CCDC88A: variants seen among roughly 807,000 people sequenced by gnomAD.
The protein encoded by CCDC88A is girdin.
In CCDC88A, 54 loss-of-function variants were observed where a neutral mutation model predicts 234.3. The observed-to-expected ratio is 0.23, with a 90% CI of 0.19 to 0.29. The LOEUF (loss-of-function observed/expected upper bound fraction) is 0.29. Among genes scored for constraint, CCDC88A ranks in the 10% least tolerant of loss-of-function variants. CCDC88A has a pLI of 1.00. For missense variants in CCDC88A, 1,832 were observed against 2,123.4 expected, an observed-to-expected ratio of 0.86 and a Z score of 2.70; for synonymous variants, 753 against 737.8, an observed-to-expected ratio of 1.02 and a Z score of -0.33.
rs1398539083 is a variant in CCDC88A, at chr2:55,290,200, A to G, written c.*1000T>C. The G allele has an allele frequency of 1.3e-5, 2 of 152,570 alleles. No individual in the cohort carries two copies. The highest frequency in any genetic ancestry group is 4.8e-5 in the African/African-American group (2 of 41,448). 9.5% of individuals were successfully genotyped at this position (152,570 alleles called of 1,614,324 possible). A position where few individuals can be genotyped will look rare whatever the true frequency, so the allele number is the denominator to read the frequency against. ...AATAACAGTTATCAACTTTAATGTAATATCATAAAGGAGAAAAAAATCATT... is the reference window on the plus strand; with the variant it reads ...AATAACAGTTATCAACTTTAATGTAGTATCATAAAGGAGAAAAAAATCATT... On this transcript the variant is annotated 3_prime_UTR_variant, in exon 33 of 33. Coordinates refer to ENST00000436346, the MANE Select transcript of CCDC88A (RefSeq NM_001365480.1).
At chr2:55,366,534 T>TACACACACACACACACACACAC (rs201666406) in intron 5 of CCDC88A, among the ~76,000 whole-genome samples, 1 of 127,638 alleles carries the variant, frequency 7.8e-6, no homozygotes, top group Non-Finnish European at 1.7e-5. Flanking sequence ...CACACACACA[T>TACACACACACACACACACACAC]ACACACACAC....
chr2:55,317,870 T>G lies in CCDC88A; in HGVS notation c.3325-29A>C. 7.0e-7 allele frequency: 1 copy of G among 1,429,546 alleles called. No individual in the cohort carries two copies. The highest frequency in any genetic ancestry group is 9.5e-7 in the Non-Finnish European group (1 of 1,051,774). The allele number at this position is 1,429,546 out of a possible 1,614,324, so 88.6% of individuals were successfully genotyped here. ...TAAGAATATATATTGTTATCAGACA[T>G]AAGAAAAACAGTTCATGTTCTTTTT... On this transcript the variant is annotated intron_variant, in intron 19 of 32. Transcript: ENST00000436346. This position sits in a 1 kb window ranked among gnomAD's most constrained non-coding sequence, Gnocchi z 4.2.
chr2:55,298,904 CA>C (rs1416439441), intron 29 of CCDC88A, among the ~76,000 whole-genome samples: 1 of 138,746 alleles, frequency 7.2e-6, no homozygotes, highest in African/African-American at 2.7e-5. Flanking sequence ...CACAAAAAAA[CA>C]AAAAACCCTC....
chr2:55,328,863 C>G lies in CCDC88A; in HGVS notation c.2856-428G>C. 1 of 154,034 alleles carries G rather than the reference C, an allele frequency of 6.5e-6. No homozygotes were observed. The highest frequency in any genetic ancestry group is 1.4e-5 in the Non-Finnish European group (1 of 69,412). 9.5% of individuals were successfully genotyped at this position (154,034 alleles called of 1,614,324 possible). On this transcript the variant is annotated intron_variant, in intron 16 of 32. Coordinates refer to ENST00000436346, the MANE Select transcript of CCDC88A (RefSeq NM_001365480.1). The surrounding 1 kb of genome is among the most constrained non-coding windows in gnomAD (Gnocchi z 4.3). ...TCGGCTCACCGCAACCTCCGCTTCC[C>G]GTGTTCAAGCGATTCTCCTGCCTCA...
chr2:55,339,726 TGA>T (rs1331594156), intron 12 of CCDC88A, 78 bp from the exon 13 acceptor site: 6 of 1,157,584 alleles, frequency 5.2e-6, no homozygotes, highest in Non-Finnish European at 7.3e-6. Context: ...TTTAAAAAGT[TGA>T]GTGTATATGC....
At chr2:55,297,274 T>C (rs1444822015) in intron 29 of CCDC88A, 1 of 30,094 alleles carries the variant, frequency 3.3e-5, no homozygotes, top group Admixed American at 9.2e-4. Context: ...TTTTTATATA[T>C]ATTATATATA....
chr2:55,294,769 CA>C, intron 31 of CCDC88A: 1 of 1,003,162 alleles, frequency 1.0e-6, no homozygotes, highest in Admixed American at 5.5e-5. Flanking sequence ...TTCTGGATAT[CA>C]AAGTAACAAT....
intron 17 of CCDC88A, among the ~76,000 whole-genome samples, chr2:55,326,173 T>C (rs941929590): frequency 1.3e-5 from 2 of 151,240 alleles, no homozygotes; most frequent in African/African-American, 4.9e-5. Context: ...GTTTCTTCTT[T>C]TTTTTTTTGC....
At chr2:55,298,565 A>G (rs1680475491) in intron 29 of CCDC88A, among the ~76,000 whole-genome samples, 1 of 152,218 alleles carries the variant, frequency 6.6e-6, no homozygotes, top group Admixed American at 6.5e-5. Flanking sequence ...AAACAAATGC[A>G]TTCCTTGTAA....
At chr2:55,354,230 T>A (rs1670269359) in intron 8 of CCDC88A, among the ~76,000 whole-genome samples, 1 of 151,258 alleles carries the variant, frequency 6.6e-6, no homozygotes, top group African/African-American at 2.4e-5. Flanking sequence ...AACTTCCACC[T>A]CCTGGGTTCA....
At chr2:55,388,681 A>T (rs888462666) in intron 3 of CCDC88A, 97 bp downstream of exon 3, 9 of 597,106 alleles carry the variant, frequency 1.5e-5, no homozygotes, top group African/African-American at 1.4e-4. Flanking sequence ...AACCTAGCAT[A>T]TAATAAGCGT....
intron 2 of CCDC88A, among the ~76,000 whole-genome samples, chr2:55,401,566 TAAATTC>T (rs201042369): frequency 0.62 from 48,123 of 77,150 alleles, 13,048 homozygotes; most frequent in Admixed American, 0.7. Flanking sequence ...CTCCCCCCCA[TAAATTC>T]AAATTCAATT....
At position 55,332,533 on chromosome 2, in the gene CCDC88A, T is replaced by A. The variant is rs1451090203; in HGVS notation, c.2855+33A>T. ...GTATGAGCAAAAAAAAAAAAAAATT[T>A]TCAACTGTTTGCCAAGTAGACTTAG... On this transcript the variant is annotated intron_variant, in intron 16 of 32. Transcript: ENST00000436346. This position sits in a 1 kb window ranked among gnomAD's most constrained non-coding sequence, Gnocchi z 4.5. The A allele has an allele frequency of 6.3e-7, 1 of 1,582,524 alleles. No homozygotes were observed. Among genetic ancestry groups the A allele is most frequent in the Non-Finnish European group, 8.6e-7 (1 of 1,168,658 alleles).
At chr2:55,319,377 G>A (rs1683345134) in intron 18 of CCDC88A, among the ~76,000 whole-genome samples, 2 of 152,270 alleles carry the variant, frequency 1.3e-5, no homozygotes, top group South Asian at 4.1e-4. Context: ...AAATGGGGCT[G>A]TGTCCAACCA....
In CCDC88A at chr2:55,367,528, G is replaced by GTTTTTTTTTTTTTTTTTTTTTTTTTT; in HGVS notation, c.403-3496_403-3495insAAAAAAAAAAAAAAAAAAAAAAAAAA. 6.8e-3 allele frequency among the ~76,000 whole-genome samples: 678 copies of GTTTTTTTTTTTTTTTTTTTTTTTTTT among 99,732 alleles called. 83 individuals carry two copies. The highest frequency in any genetic ancestry group is 0.023 in the African/African-American group (536 of 23,270). 65.4% of individuals were successfully genotyped at this position (99,732 alleles called of 152,430 possible). ...TTGCTAGAAATTGTTTTATTTCCTT[G>GTTTTTTTTTTTTTTTTTTTTTTTTTT]TTTTTTTTTAAGAGACTGGGTCTTG... On this transcript the variant is annotated intron_variant, in intron 5 of 32. Coordinates refer to ENST00000436346, the MANE Select transcript of CCDC88A (RefSeq NM_001365480.1).
chr2:55,375,480 T>C (rs1180122136), intron 3 of CCDC88A, among the ~76,000 whole-genome samples: 2 of 9,280 alleles, frequency 2.2e-4, no homozygotes, highest in Non-Finnish European at 5.6e-4. Context: ...TATATATATA[T>C]ATATATATAT....
chr2:55,378,390 T>C (rs926219373), intron 3 of CCDC88A, among the ~76,000 whole-genome samples: 1 of 152,252 alleles, frequency 6.6e-6, no homozygotes, highest in Non-Finnish European at 1.5e-5. Context: ...TCTAAAAATG[T>C]ACTCTAGTAT....
intron 5 of CCDC88A, among the ~76,000 whole-genome samples, chr2:55,368,154 C>A (rs975325581): frequency 3.9e-5 from 6 of 152,186 alleles, no homozygotes; most frequent in Non-Finnish European, 8.8e-5. Flanking sequence ...GTTCAGAAGA[C>A]TTGGGTTGCC....
At chr2:55,342,344 G>C (rs1668611391) in intron 12 of CCDC88A, among the ~76,000 whole-genome samples, 1 of 152,016 alleles carries the variant, frequency 6.6e-6, no homozygotes, top group Non-Finnish European at 1.5e-5. Flanking sequence ...CACCAGCTAA[G>C]ATCAATTACA....
Sources: gnomAD v4.1 joint callset for allele counts (sites outside exome capture counted in the v4.1 genomes callset) on GRCh38, gnomAD v4.1.1 for gene constraint, Gnocchi (gnomAD v3.1) non-coding constraint, MANE v1.5 for transcripts, NCBI Gene and HGNC (gene_info 2026-07-23, HGNC 2026-07-21) for gene names.